KANSL1: variants seen among roughly 807,000 people sequenced by gnomAD.
KANSL1 encodes MLL1/MLL complex subunit KANSL1.
Under a neutral mutation model 103.6 loss-of-function variants are expected in KANSL1, and 22 were observed. That is an observed-to-expected ratio of 0.21 (90% CI 0.15 to 0.30). The LOEUF is 0.30. Ranked by LOEUF, KANSL1 falls within the 10% of genes least tolerant of loss-of-function variation. The pLI, the probability that KANSL1 is intolerant of heterozygous loss-of-function variation, is 1.00. For missense variants in KANSL1, 1,337 were observed against 1,399.8 expected (o/e 0.96, Z 0.72); for synonymous variants, 600 against 527.6 (o/e 1.14, Z -1.88).
At chr17:46,213,152 C>A (rs572578891) in intron 1 of KANSL1, among the ~76,000 whole-genome samples, 1 of 152,212 alleles carries the variant, frequency 6.6e-6, no homozygotes, top group Non-Finnish European at 1.5e-5. Context: ...TAGAACCATA[C>A]GCTTGCCTGT....
intron 13 of KANSL1, 148 bp from the exon 14 acceptor site, chr17:46,032,447 C>T: frequency 1.6e-6 from 1 of 622,588 alleles, no homozygotes; most frequent in Non-Finnish European, 2.7e-6. Flanking sequence ...CATTTCTTCC[C>T]ACTATTCTCT....
chr17:46,115,864 C>T (rs1258002653), intron 2 of KANSL1, among the ~76,000 whole-genome samples: 1 of 152,224 alleles, frequency 6.6e-6, no homozygotes, highest in East Asian at 1.9e-4. Context: ...TGCATACAGA[C>T]ATCAGGCAAA....
chr17:46,150,813 C>T (rs1388925689), intron 2 of KANSL1, among the ~76,000 whole-genome samples: 1 of 151,966 alleles, frequency 6.6e-6, no homozygotes, highest in Non-Finnish European at 1.5e-5. Context: ...CAGATGTTAC[C>T]ACTGCCTACC....
At chr17:46,153,232 G>A (rs12943758) in intron 2 of KANSL1, among the ~76,000 whole-genome samples, 16,316 of 151,892 alleles carry the variant, frequency 0.11, 1,230 homozygotes, top group Non-Finnish European at 0.16. Context: ...TTTTAGTTGT[G>A]GGGAAAGATC....
chr17:46,220,037 A>T (rs2048474507), intron 1 of KANSL1, among the ~76,000 whole-genome samples: 1 of 151,958 alleles, frequency 6.6e-6, no homozygotes, highest in South Asian at 2.1e-4. Context: ...CAGGAGGCAC[A>T]GTTTGCAGTG....
chr17:46,147,688 A>C (rs1285146032), intron 2 of KANSL1, among the ~76,000 whole-genome samples: 1 of 152,204 alleles, frequency 6.6e-6, no homozygotes, highest in Non-Finnish European at 1.5e-5. Flanking sequence ...GACCAACTTA[A>C]CAAATATTTC....
At chr17:46,094,391 G>T in intron 3 of KANSL1, 169 bp downstream of exon 3, 1 of 803,516 alleles carries the variant, frequency 1.2e-6, no homozygotes, top group Non-Finnish European at 1.9e-6. Flanking sequence ...GCCACCACGC[G>T]CAGCCACATC....
At chr17:46,183,674 G>T (rs1427523612) in intron 1 of KANSL1, among the ~76,000 whole-genome samples, 1 of 150,802 alleles carries the variant, frequency 6.6e-6, no homozygotes, top group Non-Finnish European at 1.5e-5. Context: ...AGTAGGGCCG[G>T]GAGAGGTGGC....
At chr17:46,214,958 G>C (rs1468716691) in intron 1 of KANSL1, 1 of 152,240 alleles carries the variant, frequency 6.6e-6, no homozygotes, top group Non-Finnish European at 1.5e-5. Context: ...TATGCTTCTT[G>C]GTCATTTGTA....
At chr17:46,082,629 G>A in intron 3 of KANSL1, 87 bp from the exon 4 acceptor site, 1 of 685,448 alleles carries the variant, frequency 1.5e-6, no homozygotes, top group Non-Finnish European at 2.5e-6. Flanking sequence ...AAGGACTGTT[G>A]GTGTACTAGA....
rs1174920295 is a variant in KANSL1, at chr17:46,114,268, A to AGGCT, written c.1290-19568_1290-19567insAGCC. On this transcript the variant is annotated intron_variant, in intron 2 of 14. Coordinates refer to ENST00000432791, the MANE Select transcript of KANSL1 (RefSeq NM_015443.4). The stretch of plus-strand genomic sequence containing the variant: ...CAGCTACTCGGGAGGCTGAGGCAGG[A>AGGCT]GAATCGCTTGAACCCAGGAGGCGGA... Among the ~76,000 whole-genome samples the AGGCT allele has an allele frequency of 1.3e-3, 196 of 152,248 alleles. 5 individuals are homozygous for AGGCT. The highest frequency in any genetic ancestry group is 0.013 in the Admixed American group (195 of 15,284).
chr17:46,096,302 CTTTT>C (rs1273083741), intron 2 of KANSL1, among the ~76,000 whole-genome samples: 2 of 82,566 alleles, frequency 2.4e-5, no homozygotes, highest in Non-Finnish European at 4.7e-5. Context: ...ACATACCTGG[CTTTT>C]TTTTCTTTTT....
chr17:46,076,348 T>C (rs1169939127), intron 4 of KANSL1, among the ~76,000 whole-genome samples: 2 of 151,856 alleles, frequency 1.3e-5, no homozygotes, highest in African/African-American at 2.4e-5. Context: ...ATACAAAAAC[T>C]AGCTGGGTGT....
At chr17:46,147,458 C>T (rs936503219) in intron 2 of KANSL1, among the ~76,000 whole-genome samples, 1 of 151,682 alleles carries the variant, frequency 6.6e-6, no homozygotes, top group Admixed American at 6.6e-5. Context: ...CCTGTAGTGC[C>T]AGCTACTCGG....
intron 2 of KANSL1, among the ~76,000 whole-genome samples, chr17:46,100,305 C>T (rs958114922): frequency 3.9e-5 from 6 of 152,040 alleles, no homozygotes; most frequent in African/African-American, 1.5e-4. Context: ...GACGTAGTCG[C>T]GCACGCCTGT....
chr17:46,148,170 A>G (rs1389747984), intron 2 of KANSL1: 1 of 152,248 alleles, frequency 6.6e-6, no homozygotes, highest in Non-Finnish European at 1.5e-5. Context: ...CACTTCTGAC[A>G]TTAGCAAATA....
At chr17:46,197,026 A>C (rs529318965), upstream of KANSL1, among the ~76,000 whole-genome samples, 76 of 152,308 alleles carry the variant, frequency 5.0e-4, 1 homozygote, top group African/African-American at 1.8e-3. Flanking sequence ...AGGCAGGAGG[A>C]TCACTTGAGC....
chr17:46,217,990 C>T (rs758424420), intron 1 of KANSL1, among the ~76,000 whole-genome samples: 6 of 151,940 alleles, frequency 3.9e-5, no homozygotes, highest in Non-Finnish European at 5.9e-5. Context: ...TATGCCACTG[C>T]ACTCCAGCCT....
intron 3 of KANSL1, chr17:46,093,215 A>C (rs1482041412): frequency 6.6e-6 from 1 of 152,282 alleles, no homozygotes. Flanking sequence ...AGGCATATCC[A>C]GTCACCTCCT....
Sources: allele counts gnomAD v4.1 joint callset (sites outside exome capture counted in the v4.1 genomes callset), GRCh38; gene constraint gnomAD v4.1.1; transcripts MANE v1.5; gene names NCBI Gene and HGNC (gene_info 2026-07-23, HGNC 2026-07-21).